PTPRR: variants seen among roughly 807,000 people sequenced by gnomAD.
PTPRR encodes the protein protein tyrosine phosphatase receptor type R.
In PTPRR, 38 loss-of-function variants were observed where a neutral mutation model predicts 77.2. The ratio of observed to expected loss-of-function variants is 0.49; its 90% confidence interval spans 0.38 to 0.65. PTPRR has a LOEUF of 0.65. Ranked by LOEUF, PTPRR falls within the 30% of genes least tolerant of loss-of-function variation. PTPRR has a pLI of 0.00. For synonymous variants in PTPRR, 299 were observed against 283.1 expected (o/e 1.06, Z -0.57); for missense variants, 744 against 799.2 (o/e 0.93, Z 0.83).
intron 2 of PTPRR, among the ~76,000 whole-genome samples, chr12:70,868,525 A>AG (rs1892900754): frequency 6.6e-6 from 1 of 152,150 alleles, no homozygotes. Context: ...ATCATTAAAA[A>AG]GTCAGGAAAC....
intron 13 of PTPRR, among the ~76,000 whole-genome samples, chr12:70,646,367 T>TC (rs1363714829): frequency 6.6e-6 from 1 of 152,178 alleles, no homozygotes; most frequent in Non-Finnish European, 1.5e-5. Context: ...AGACACCTTC[T>TC]CCAAAATAGA....
intron 2 of PTPRR, among the ~76,000 whole-genome samples, chr12:70,821,172 A>G (rs981933355): frequency 1.1e-4 from 15 of 139,220 alleles, no homozygotes; most frequent in Non-Finnish European, 2.0e-4. Context: ...ATTTGTCAAT[A>G]TTGCCCATAT....
Position 70,638,397 on chromosome 12 carries a change from T to G in PTPRR, c.*787A>C, listed in dbSNP as rs1885842296. 1 of 152,462 alleles carries G rather than the reference T, an allele frequency of 6.6e-6. No individual in the cohort carries two copies. Among genetic ancestry groups the G allele is most frequent in the Non-Finnish European group, 1.5e-5 (1 of 68,024 alleles). 9.4% of individuals were successfully genotyped at this position (152,462 alleles called of 1,614,324 possible). ...AGTTAAAACTCTTGATACTTCAGAG[T>G]TGCTACAAATTTGTTTTTCCCTTTT... On this transcript the variant is annotated 3_prime_UTR_variant, in exon 14 of 14. Transcript: ENST00000283228.
chr12:70,880,952 ACAT>A (rs1893140002), intron 2 of PTPRR, among the ~76,000 whole-genome samples: 1 of 152,298 alleles, frequency 6.6e-6, no homozygotes, highest in South Asian at 2.1e-4. Context: ...CATATAGATG[ACAT>A]CATCATTTGT....
At chr12:70,648,427 G>T (rs1264907155) in intron 13 of PTPRR, among the ~76,000 whole-genome samples, 1 of 152,144 alleles carries the variant, frequency 6.6e-6, no homozygotes, top group Non-Finnish European at 1.5e-5. Flanking sequence ...CTTGTTAGAG[G>T]AGTCCTGACA....
At chr12:70,863,187 CAGA>C (rs1192057061) in intron 2 of PTPRR, among the ~76,000 whole-genome samples, 1 of 152,110 alleles carries the variant, frequency 6.6e-6, no homozygotes, top group Non-Finnish European at 1.5e-5. Context: ...GTGCACTGAC[CAGA>C]AGAAGACTAT....
At chr12:70,873,267 T>C (rs1210307537) in intron 2 of PTPRR, among the ~76,000 whole-genome samples, 3 of 152,168 alleles carry the variant, frequency 2.0e-5, no homozygotes, top group Non-Finnish European at 4.4e-5. Context: ...CTCCATGATG[T>C]GGAACTGAGC....
intron 2 of PTPRR, among the ~76,000 whole-genome samples, chr12:70,828,256 C>T (rs1459610846): frequency 6.6e-6 from 1 of 152,128 alleles, no homozygotes; most frequent in Non-Finnish European, 1.5e-5. Context: ...AATTTGTCTC[C>T]ACATTCCTTT....
chr12:70,697,888 G>A (rs1888284938), intron 8 of PTPRR, among the ~76,000 whole-genome samples: 1 of 152,126 alleles, frequency 6.6e-6, no homozygotes, highest in Non-Finnish European at 1.5e-5. Context: ...TATTGGAATT[G>A]TGACCTGGAC....
intron 2 of PTPRR, among the ~76,000 whole-genome samples, chr12:70,889,789 G>T (rs1235663732): frequency 6.6e-6 from 1 of 151,316 alleles, no homozygotes; most frequent in African/African-American, 2.4e-5. Context: ...TCTTCTTCCT[G>T]TTTCTTCTCC....
chr12:70,754,767 A>T (rs377006017), intron 4 of PTPRR: 2 of 1,526,412 alleles, frequency 1.3e-6, no homozygotes, highest in East Asian at 2.4e-5. Flanking sequence ...ATTAATAAAT[A>T]CAGCAACAAT....
chr12:70,867,129 C>T (rs1183803028), intron 2 of PTPRR, among the ~76,000 whole-genome samples: 1 of 149,902 alleles, frequency 6.7e-6, no homozygotes, highest in African/African-American at 2.5e-5. Flanking sequence ...AAAACTGGCA[C>T]AAGACAGGGA....
chr12:70,823,118 C>CACACACACACAA (rs1237089196), intron 2 of PTPRR, among the ~76,000 whole-genome samples: 4 of 115,426 alleles, frequency 3.5e-5, no homozygotes, highest in Admixed American at 2.4e-4. Context: ...GACACACACA[C>CACACACACACAA]ACACACACAC....
intron 8 of PTPRR, among the ~76,000 whole-genome samples, chr12:70,690,429 C>T (rs1424523237): frequency 2.0e-5 from 3 of 152,074 alleles, no homozygotes; most frequent in East Asian, 1.9e-4. Context: ...AGTTGGAGTT[C>T]GCATGTCCAA....
At chr12:70,734,890 T>C (rs893310077) in intron 6 of PTPRR, among the ~76,000 whole-genome samples, 1 of 152,220 alleles carries the variant, frequency 6.6e-6, no homozygotes, top group African/African-American at 2.4e-5. Context: ...GCTCCTGTTT[T>C]ACTCACCCTG....
intron 2 of PTPRR, among the ~76,000 whole-genome samples, chr12:70,773,213 T>A (rs536990639): frequency 6.6e-6 from 1 of 152,128 alleles, no homozygotes; most frequent in African/African-American, 2.4e-5. Flanking sequence ...TTGTTAACTT[T>A]TGTTACACCT....
intron 8 of PTPRR, among the ~76,000 whole-genome samples, chr12:70,686,663 C>T (rs761101926): frequency 2.0e-5 from 3 of 152,090 alleles, no homozygotes; most frequent in Non-Finnish European, 4.4e-5. Context: ...TTTGAGGGCA[C>T]TCAAGCAGCC....
chr12:70,873,113 T>C (rs1892990311), intron 2 of PTPRR, among the ~76,000 whole-genome samples: 1 of 152,198 alleles, frequency 6.6e-6, no homozygotes, highest in African/African-American at 2.4e-5. Context: ...CCATCTCATA[T>C]TTCTTGGGGC....
intron 2 of PTPRR, among the ~76,000 whole-genome samples, chr12:70,803,786 G>A (rs1415405300): frequency 6.6e-6 from 1 of 152,166 alleles, no homozygotes; most frequent in Non-Finnish European, 1.5e-5. Context: ...TCTATTTGAT[G>A]AGGAAACAGA....
Sources: gnomAD v4.1 joint callset for allele counts (sites outside exome capture counted in the v4.1 genomes callset) on GRCh38, gnomAD v4.1.1 for gene constraint, MANE v1.5 for transcripts, NCBI Gene and HGNC (gene_info 2026-07-23, HGNC 2026-07-21) for gene names.